TMEM232: variants seen among roughly 807,000 people sequenced by gnomAD.
TMEM232 encodes the protein transmembrane protein 232.
TMEM232 carries 80 observed loss-of-function variants against 78.8 expected under a neutral mutation model. The observed-to-expected ratio is 1.01, with a 90% CI of 0.85 to 1.22. TMEM232 has a LOEUF of 1.22. Among genes scored for constraint, TMEM232 ranks in the 50% most tolerant of loss-of-function variants. The pLI is 0.00. For synonymous variants in TMEM232, 297 were observed against 254.3 expected (o/e 1.17, Z -1.60); for missense variants, 881 against 742.2 (o/e 1.19, Z -2.17).
chr5:110,667,241 C>G lies in TMEM232; in HGVS notation c.112G>C (p.Gly38Arg). 6.5e-7 allele frequency: 1 copy of G among 1,543,840 alleles called. No homozygotes were observed. The highest frequency in any genetic ancestry group is 8.8e-7 in the Non-Finnish European group (1 of 1,142,522). Residue 38 changes from glycine (G) to arginine (R), a missense_variant, in exon 2 of 14, where the codon GGT becomes CGT. By Grantham distance (125) the Gly-to-Arg change is moderately radical. Transcript: ENST00000455884. ...TTTCTAGCTTACCTTGATTTATGAC[C>G]CCTTTCTCCACTTAAATGTTGAAAA... is the stretch of plus-strand genomic sequence containing the variant. ...LNFQHLSGER[G>R]HKSRPTFSIT... is the part of the protein sequence containing the mutation.
intron 12 of TMEM232, among the ~76,000 whole-genome samples, chr5:110,489,221 T>A (rs1328707182): frequency 6.6e-6 from 1 of 151,744 alleles, no homozygotes; most frequent in East Asian, 1.9e-4. Flanking sequence ...TAACTAATTT[T>A]TCAAAAGATC....
At chr5:110,648,595 G>C (rs1413366082) in intron 2 of TMEM232, among the ~76,000 whole-genome samples, 2 of 151,852 alleles carry the variant, frequency 1.3e-5, no homozygotes, top group Non-Finnish European at 2.9e-5. Flanking sequence ...TTTGAGCTTG[G>C]GTTATTTTCT....
chr5:110,625,219 T>C (rs1784261555), intron 7 of TMEM232, 48 bp downstream of exon 7: 1 of 1,424,414 alleles, frequency 7.0e-7, no homozygotes, highest in African/African-American at 1.5e-5. Flanking sequence ...AGTAATGATA[T>C]CTGATGCATC....
intron 12 of TMEM232, among the ~76,000 whole-genome samples, chr5:110,436,493 G>A (rs1758447579): frequency 6.6e-6 from 1 of 151,922 alleles, no homozygotes; most frequent in Admixed American, 6.6e-5. Flanking sequence ...TCCTTTGGTT[G>A]CCTGTGCTTG....
At chr5:110,524,417 AAAG>A (rs1770218015) in intron 12 of TMEM232, among the ~76,000 whole-genome samples, 1 of 47,954 alleles carries the variant, frequency 2.1e-5, no homozygotes, top group Admixed American at 2.2e-4. Flanking sequence ...GAAAGAAAGA[AAAG>A]AAAAGAAAAG....
chr5:110,430,140 A>AGTAC, intron 12 of TMEM232: 1 of 151,402 alleles, frequency 6.6e-6, no homozygotes, highest in East Asian at 1.9e-4. Context: ...AAAAAAACTA[A>AGTAC]TTAAATCATT....
chr5:110,599,181 G>A (rs1376357934), intron 10 of TMEM232, among the ~76,000 whole-genome samples: 2 of 151,886 alleles, frequency 1.3e-5, no homozygotes, highest in Non-Finnish European at 2.9e-5. Context: ...CACTAAATAT[G>A]GAAAGGAAAG....
At chr5:110,456,022 C>T (rs139185676) in intron 12 of TMEM232, among the ~76,000 whole-genome samples, 1 of 152,240 alleles carries the variant, frequency 6.6e-6, no homozygotes, top group East Asian at 1.9e-4. Flanking sequence ...GAATGCTTTG[C>T]CTCTAAGATC....
intron 12 of TMEM232, among the ~76,000 whole-genome samples, chr5:110,478,093 T>G (rs771669313): frequency 6.6e-6 from 1 of 151,924 alleles, no homozygotes; most frequent in Non-Finnish European, 1.5e-5. Flanking sequence ...TTGGCAAGAA[T>G]TGCATCTTTT....
At chr5:110,452,139 A>G (rs1272904088) in intron 12 of TMEM232, among the ~76,000 whole-genome samples, 1 of 152,156 alleles carries the variant, frequency 6.6e-6, no homozygotes, top group Non-Finnish European at 1.5e-5. Context: ...GTAGAGTAAC[A>G]ATTGTTCATC....
At chr5:110,674,498 T>A (rs1791774297) in intron 1 of TMEM232, among the ~76,000 whole-genome samples, 1 of 152,226 alleles carries the variant, frequency 6.6e-6, no homozygotes, top group Non-Finnish European at 1.5e-5. Flanking sequence ...AGTATATTAT[T>A]TCTGAATATG....
intron 12 of TMEM232, among the ~76,000 whole-genome samples, chr5:110,473,571 CAAAAATT>C (rs1762908195): frequency 1.3e-5 from 2 of 149,912 alleles, no homozygotes; most frequent in South Asian, 4.2e-4. Context: ...TATGTACTCT[CAAAAATT>C]AAAAATTAAA....
At chr5:110,545,824 A>C (rs1773705102) in intron 11 of TMEM232, among the ~76,000 whole-genome samples, 1 of 152,162 alleles carries the variant, frequency 6.6e-6, no homozygotes, top group East Asian at 1.9e-4. Flanking sequence ...TTTAGGTCAT[A>C]TACCAGATGG....
chr5:110,649,129 T>C (rs749778582), intron 2 of TMEM232, among the ~76,000 whole-genome samples: 1 of 152,038 alleles, frequency 6.6e-6, no homozygotes, highest in Non-Finnish European at 1.5e-5. Context: ...ACTGCAACTA[T>C]ACAAACAATA....
At chr5:110,523,954 A>T (rs1411679815) in intron 12 of TMEM232, among the ~76,000 whole-genome samples, 3 of 57,566 alleles carry the variant, frequency 5.2e-5, no homozygotes, top group African/African-American at 2.5e-4. Flanking sequence ...GACTTGGTTT[A>T]AAAAAAAAAA....
chr5:110,691,033 T>G (rs1202840644), intron 1 of TMEM232, among the ~76,000 whole-genome samples: 1 of 151,696 alleles, frequency 6.6e-6, no homozygotes. Flanking sequence ...GATGACAGGC[T>G]GATGGGTGCA....
intron 12 of TMEM232, among the ~76,000 whole-genome samples, chr5:110,452,033 A>T (rs1347181488): frequency 6.6e-6 from 1 of 152,084 alleles, no homozygotes; most frequent in African/African-American, 2.4e-5. Context: ...ACCACCATAG[A>T]CCCTTATTCA....
intron 12 of TMEM232, among the ~76,000 whole-genome samples, chr5:110,508,990 G>A (rs948391152): frequency 1.6e-5 from 2 of 125,348 alleles, no homozygotes; most frequent in African/African-American, 3.5e-5. Flanking sequence ...TTATATATGT[G>A]TATATATGTA....
At chr5:110,648,508 T>C (rs1245920027) in intron 2 of TMEM232, among the ~76,000 whole-genome samples, 1 of 152,120 alleles carries the variant, frequency 6.6e-6, no homozygotes, top group Non-Finnish European at 1.5e-5. Context: ...CAACATTCTA[T>C]CTTGTGAACC....
Sources: allele counts gnomAD v4.1 joint callset (sites outside exome capture counted in the v4.1 genomes callset), GRCh38; gene constraint gnomAD v4.1.1; transcripts MANE v1.5; gene names NCBI Gene and HGNC (gene_info 2026-07-23, HGNC 2026-07-21).